ADAMTSL2: variants seen among roughly 807,000 people sequenced by gnomAD.
The protein encoded by ADAMTSL2 is ADAMTS like 2, also known as ADAMTS-like protein 2.
A neutral mutation model predicts 117.0 loss-of-function variants in ADAMTSL2; 55 were observed. The observed-to-expected ratio is 0.47, with a 90% CI of 0.38 to 0.59. The LOEUF (loss-of-function observed/expected upper bound fraction) is 0.59, where lower values mean the gene tolerates loss of function less well. Ranked by LOEUF, ADAMTSL2 falls within the 20% of genes least tolerant of loss-of-function variation. The pLI, the probability that ADAMTSL2 is intolerant of heterozygous loss-of-function variation, is 0.00. For missense variants in ADAMTSL2, 1,182 were observed against 1,354.5 expected, an observed-to-expected ratio of 0.87 and a Z score of 2.00; for synonymous variants, 572 against 566.4, an observed-to-expected ratio of 1.01 and a Z score of -0.14.
At chr9:133,568,877 C>T (rs1831039744) in intron 15 of ADAMTSL2, 119 bp downstream of exon 15, 4 of 1,317,198 alleles carry the variant, frequency 3.0e-6, no homozygotes, top group Non-Finnish European at 4.3e-6. Flanking sequence ...CAAGAATGTC[C>T]AACCAGCCTT....
At chr9:133,573,405 A>G (rs1230571700) in intron 17 of ADAMTSL2, among the ~76,000 whole-genome samples, 13 of 152,214 alleles carry the variant, frequency 8.5e-5, no homozygotes, top group Admixed American at 5.9e-4. Context: ...GACCCAGGAA[A>G]GCTGGGGCCA....
intron 15 of ADAMTSL2, 81 bp downstream of exon 15, chr9:133,568,839 A>T: frequency 6.3e-7 from 1 of 1,588,226 alleles, no homozygotes; most frequent in Non-Finnish European, 8.6e-7. Context: ...CTCAGTTTCC[A>T]TTTTTTTCCG....
chr9:133,544,630 A>T, intron 8 of ADAMTSL2, 80 bp downstream of exon 8: 1 of 1,207,786 alleles, frequency 8.3e-7, no homozygotes, highest in Non-Finnish European at 1.2e-6. Flanking sequence ...GGGGCACTTG[A>T]CCCTGGACCC....
intron 8 of ADAMTSL2, among the ~76,000 whole-genome samples, chr9:133,544,863 C>T (rs191948162): frequency 2.8e-3 from 428 of 152,212 alleles, no homozygotes; most frequent in African/African-American, 9.9e-3. Context: ...AGCTGGGGGC[C>T]GCTGCAGATG....
chr9:133,532,991 G>A (rs923276198), upstream of ADAMTSL2, among the ~76,000 whole-genome samples: 27 of 152,190 alleles, frequency 1.8e-4, no homozygotes, highest in African/African-American at 4.6e-4. Context: ...AAGGGAAACC[G>A]TTAGTCACCC....
Position 133,561,294 on chromosome 9 carries a change from A to C in ADAMTSL2, c.1746A>C (p.Thr582=). 6.3e-7 allele frequency: 1 copy of C among 1,591,128 alleles called. No individual in the cohort carries two copies. The highest frequency in any genetic ancestry group is 8.6e-7 in the Non-Finnish European group (1 of 1,168,726). ...AGCCCTGCAGTGCCACCTGCACCACAGGTACTGGTCACGGGTGCCAAGGGG... is the reference window on the plus strand; with the variant it reads ...AGCCCTGCAGTGCCACCTGCACCACCGGTACTGGTCACGGGTGCCAAGGGG... ...SHEPCSATCT[T]GVMSAYAMCV... The change falls in exon 12 of 19, where the codon ACA becomes ACC. Residue 582 remains threonine (T), a splice_region_variant and synonymous_variant. Coordinates refer to ENST00000651351, the MANE Select transcript of ADAMTSL2 (RefSeq NM_014694.4).
rs376350114 is a variant in ADAMTSL2, at chr9:133,538,434, G to A, written c.309+10G>A. On this transcript the variant is annotated intron_variant, in intron 4 of 18. Transcript: ENST00000651351. Reference sequence around the variant, plus strand: ...GCTCTGCAGAGTGCAGGTGAGGCCCGGCCCGGGCAGGGGCACCATGGCCTG... The same window carrying A: ...GCTCTGCAGAGTGCAGGTGAGGCCCAGCCCGGGCAGGGGCACCATGGCCTG... The A allele has an allele frequency of 5.2e-5, 84 of 1,612,618 alleles. No homozygotes were observed. The highest frequency in any genetic ancestry group is 8.9e-5 in the East Asian group (4 of 44,884).
In ADAMTSL2 at chr9:133,536,621, C is replaced by G. The variant is rs753555772; in HGVS notation, c.-92C>G. Reference sequence around the variant, plus strand: ...GATAACCTTGAGGCCTGGGCACTGGCTGGGCCCCGAGGGCTCTTCCCAAAG... The same window carrying G: ...GATAACCTTGAGGCCTGGGCACTGGGTGGGCCCCGAGGGCTCTTCCCAAAG... On this transcript the variant is annotated 5_prime_UTR_variant, in exon 2 of 19. Coordinates refer to ENST00000651351, the MANE Select transcript of ADAMTSL2 (RefSeq NM_014694.4). 1.2e-6 allele frequency: 2 copies of G among 1,613,364 alleles called. No individual in the cohort carries two copies. The highest frequency in any genetic ancestry group is 1.7e-6 in the Non-Finnish European group (2 of 1,179,748).
chr9:133,567,773 C>G (rs939439756), intron 13 of ADAMTSL2, among the ~76,000 whole-genome samples: 1 of 152,240 alleles, frequency 6.6e-6, no homozygotes, highest in Non-Finnish European at 1.5e-5. Context: ...CAGGCCCTGT[C>G]CTTCCCCTCA....
intron 12 of ADAMTSL2, 55 bp from the exon 13 acceptor site, chr9:133,566,881 G>T: frequency 6.3e-7 from 1 of 1,575,984 alleles, no homozygotes. Context: ...AGGCCTGTCT[G>T]CTGGGCTCCA....
chr9:133,556,393 C>T (rs1830606016), intron 11 of ADAMTSL2, among the ~76,000 whole-genome samples: 1 of 152,186 alleles, frequency 6.6e-6, no homozygotes, highest in Non-Finnish European at 1.5e-5. Flanking sequence ...GAACCTGGGA[C>T]CCCTTAGTTT....
At chr9:133,555,393 G>C (rs1009582981) in intron 10 of ADAMTSL2, among the ~76,000 whole-genome samples, 165 bp from the exon 11 acceptor site, 3 of 152,114 alleles carry the variant, frequency 2.0e-5, no homozygotes, top group South Asian at 2.1e-4. Context: ...TCATGCCTCC[G>C]TTTTGCCCGA....
rs1830553877 is a variant in ADAMTSL2 at position 133,554,329 on chromosome 9, G to A, written c.940-28G>A. On this transcript the variant is annotated intron_variant, in intron 9 of 18. Transcript: ENST00000651351. This position sits in a 1 kb window ranked among gnomAD's most constrained non-coding sequence, Gnocchi z 5.2. ...GAAGGGGCTGGACAGAGTAAGGAGG[G>A]GCTGGGGACCCACTTCTCTTTCCCT... is the stretch of plus-strand genomic sequence containing the variant. The A allele has an allele frequency of 6.5e-7, 1 of 1,528,256 alleles. No individual in the cohort carries two copies. 94.7% of individuals were successfully genotyped at this position (1,528,256 alleles called of 1,614,324 possible).
chr9:133,538,532 G>A, intron 4 of ADAMTSL2, 108 bp downstream of exon 4: 1 of 1,319,130 alleles, frequency 7.6e-7, no homozygotes, highest in Non-Finnish European at 1.1e-6. Context: ...TTCTGTTGTG[G>A]GCTGCTCTTC....
Position 133,564,329 on chromosome 9 carries a change from A to G in ADAMTSL2, c.1748-2607A>G, listed in dbSNP as rs868692234. Among the ~76,000 whole-genome samples the G allele has an allele frequency of 4.9e-4, 28 of 56,738 alleles. 3 individuals are homozygous for G. Among genetic ancestry groups the G allele is most frequent in the African/African-American group, 2.2e-3 (26 of 11,714 alleles). The allele number at this position is 56,738 out of a possible 152,430, so 37.2% of individuals were successfully genotyped here. A position where few individuals can be genotyped will look rare whatever the true frequency, so the allele number is the denominator to read the frequency against. ...GAGAGAGAGAAAGAGAGAGGGAGAG[A>G]GAGAAAGAGAGAGAAAGAGAGAGGG... On this transcript the variant is annotated intron_variant, in intron 12 of 18. Coordinates refer to ENST00000651351, the MANE Select transcript of ADAMTSL2 (RefSeq NM_014694.4).
chr9:133,535,002 A>C, intron 1 of ADAMTSL2, 85 bp downstream of exon 1: 4 of 1,300,306 alleles, frequency 3.1e-6, no homozygotes, highest in Non-Finnish European at 3.9e-6. Context: ...GGGTAGGAGC[A>C]CCCCGCGCCC....
chr9:133,537,415 C>T lies in ADAMTSL2; in HGVS notation c.101C>T (p.Pro34Leu), dbSNP rs201637141. The T allele has an allele frequency of 1.5e-6, 2 of 1,342,012 alleles. No homozygotes were observed. Among genetic ancestry groups the T allele is most frequent in the Admixed American group, 5.8e-5 (2 of 34,720 alleles). 83.1% of individuals were successfully genotyped at this position (1,342,012 alleles called of 1,614,324 possible). The change falls in exon 3 of 19, where the codon CCA becomes CTA. Residue 34 changes from proline (P) to leucine (L), a missense_variant. Transcript: ENST00000651351. Reference protein sequence around the residue: ...TVSTGSTDNSPTSNSLEGGTD... With the variant: ...TVSTGSTDNSLTSNSLEGGTD... The stretch of plus-strand genomic sequence containing the variant: ...GTCCCTCTCACCCAGGACAACAGCC[C>T]AACATCCAATAGCCTGGAGGGGGGC...
intron 12 of ADAMTSL2, 67 bp downstream of exon 12, chr9:133,561,362 C>G (rs1830724178): frequency 7.1e-7 from 1 of 1,417,030 alleles, no homozygotes; most frequent in Non-Finnish European, 9.7e-7. Context: ...TGGGCTGGGG[C>G]TGTGGGGCCC....
intron 17 of ADAMTSL2, among the ~76,000 whole-genome samples, chr9:133,573,345 G>A (rs1479613532): frequency 6.6e-6 from 1 of 152,194 alleles, no homozygotes; most frequent in Non-Finnish European, 1.5e-5. Flanking sequence ...AGGGGGTGGT[G>A]ACTTCGCGAG....
Sources: allele counts gnomAD v4.1 joint callset (sites outside exome capture counted in the v4.1 genomes callset), GRCh38; gene constraint gnomAD v4.1.1; non-coding constraint Gnocchi (gnomAD v3.1); transcripts MANE v1.5; gene names NCBI Gene and HGNC (gene_info 2026-07-23, HGNC 2026-07-21).